Variants in ZMAT4 observed in about 807,000 individuals in gnomAD.
The protein encoded by ZMAT4 is zinc finger matrin-type protein 4.
A neutral mutation model predicts 28.7 loss-of-function variants in ZMAT4; 17 were observed. That is an observed-to-expected ratio of 0.59 (90% confidence interval 0.41 to 0.89). The LOEUF (loss-of-function observed/expected upper bound fraction) is 0.89. ZMAT4 is among the 40% of genes least tolerant of loss of function. The pLI is 0.00. For synonymous variants in ZMAT4, 117 were observed against 109.2 expected, an observed-to-expected ratio of 1.07 and a Z score of -0.44; for missense variants, 240 against 283.8, an observed-to-expected ratio of 0.85 and a Z score of 1.11.
At chr8:40,751,887 C>T (rs1363198948) in intron 3 of ZMAT4, among the ~76,000 whole-genome samples, 1 of 152,084 alleles carries the variant, frequency 6.6e-6, no homozygotes, top group Non-Finnish European at 1.5e-5. Flanking sequence ...ATATGAACAT[C>T]AACCCCCCCT....
chr8:40,855,609 C>T lies in ZMAT4; in HGVS notation c.-4-29929G>A, dbSNP rs1344053599. Among the ~76,000 whole-genome samples, 13 of 152,104 alleles carry T rather than the reference C, an allele frequency of 8.5e-5. No individual in the cohort carries two copies. The East Asian group carries it at 2.5e-3, about 30-fold the overall frequency. Reference sequence around the variant, plus strand: ...CTTGGTGACAGTAAAATTTGTCCTTCAGTCCTACACAAGACCTACAGGTAG... The same window carrying T: ...CTTGGTGACAGTAAAATTTGTCCTTTAGTCCTACACAAGACCTACAGGTAG... On this transcript the variant is annotated intron_variant, in intron 1 of 6. Transcript: ENST00000297737.
At position 40,667,845 on chromosome 8, in the gene ZMAT4, A is replaced by C. The variant is rs1261866865; in HGVS notation, c.577+6859T>G. ...TAAGGTCCATTATTTAAAAAAAAAA[A>C]AAACAACAAAAAAAAAAACCAAGAA... On this transcript the variant is annotated intron_variant, in intron 5 of 6. Coordinates refer to ENST00000297737, the MANE Select transcript of ZMAT4 (RefSeq NM_024645.3). 6.2e-5 allele frequency among the ~76,000 whole-genome samples: 9 copies of C among 145,398 alleles called. 1 individual carries two copies. The South Asian group carries it at 2.0e-3, about 32-fold the overall frequency.
chr8:40,743,742 G>C (rs998103951), intron 3 of ZMAT4, among the ~76,000 whole-genome samples: 1 of 152,196 alleles, frequency 6.6e-6, no homozygotes, highest in African/African-American at 2.4e-5. Context: ...TGAAGCCACA[G>C]ATCATGGTGG....
At chr8:40,729,317 A>T (rs781612945) in intron 3 of ZMAT4, among the ~76,000 whole-genome samples, 2 of 152,202 alleles carry the variant, frequency 1.3e-5, no homozygotes, top group Non-Finnish European at 2.9e-5. Context: ...TCCAAATGGG[A>T]GGTCTGTGTA....
At chr8:40,747,287 C>T (rs913595362) in intron 3 of ZMAT4, among the ~76,000 whole-genome samples, 2 of 152,084 alleles carry the variant, frequency 1.3e-5, no homozygotes, top group African/African-American at 4.8e-5. Context: ...TCATTTATTG[C>T]AGAGGAGGAA....
intron 3 of ZMAT4, among the ~76,000 whole-genome samples, chr8:40,756,956 C>T (rs1470335631): frequency 6.6e-6 from 1 of 152,114 alleles, no homozygotes; most frequent in Non-Finnish European, 1.5e-5. Context: ...GTCACTCAGC[C>T]TGAAGGAAGC....
chr8:40,557,419 T>G (rs1261167738), intron 6 of ZMAT4, among the ~76,000 whole-genome samples: 1 of 152,072 alleles, frequency 6.6e-6, no homozygotes, highest in South Asian at 2.1e-4. Flanking sequence ...CATTCCAGGG[T>G]TTTTTCTAGT....
At chr8:40,809,912 C>T (rs1167978192) in intron 2 of ZMAT4, among the ~76,000 whole-genome samples, 4 of 151,930 alleles carry the variant, frequency 2.6e-5, no homozygotes, top group African/African-American at 2.4e-5. Flanking sequence ...AGCATGGTGG[C>T]GGGCACCTGT....
chr8:40,860,891 T>C (rs1817466138), intron 1 of ZMAT4, among the ~76,000 whole-genome samples: 1 of 152,158 alleles, frequency 6.6e-6, no homozygotes, highest in Non-Finnish European at 1.5e-5. Context: ...CTTAGGAGGC[T>C]GTTGCACCCA....
intron 5 of ZMAT4, among the ~76,000 whole-genome samples, chr8:40,595,666 G>A (rs1397561905): frequency 6.6e-6 from 1 of 152,110 alleles, no homozygotes; most frequent in African/African-American, 2.4e-5. Context: ...TAAAAATATA[G>A]CATAAAAATA....
At chr8:40,536,243 A>T (rs989899677) in intron 6 of ZMAT4, among the ~76,000 whole-genome samples, 3 of 152,144 alleles carry the variant, frequency 2.0e-5, no homozygotes, top group Admixed American at 6.6e-5. Context: ...CTTTTTCTCC[A>T]TCAGCCCATA....
chr8:40,748,703 C>G (rs1240548501), intron 3 of ZMAT4, among the ~76,000 whole-genome samples: 2 of 152,198 alleles, frequency 1.3e-5, no homozygotes, highest in African/African-American at 2.4e-5. Flanking sequence ...AATATTTTCT[C>G]TCTGTTTTTC....
intron 3 of ZMAT4, among the ~76,000 whole-genome samples, chr8:40,712,293 A>G (rs1810657234): frequency 6.6e-6 from 1 of 152,212 alleles, no homozygotes; most frequent in South Asian, 2.1e-4. Flanking sequence ...ATATTTAAGA[A>G]TAAGCTACTG....
At chr8:40,631,291 G>T (rs547901772) in intron 5 of ZMAT4, among the ~76,000 whole-genome samples, 1 of 152,224 alleles carries the variant, frequency 6.6e-6, no homozygotes, top group Non-Finnish European at 1.5e-5. Flanking sequence ...CCGAGTAGTT[G>T]GGACTACAGG....
intron 2 of ZMAT4, among the ~76,000 whole-genome samples, chr8:40,781,991 T>C (rs374970595): frequency 2.8e-4 from 43 of 152,236 alleles, no homozygotes; most frequent in African/African-American, 9.6e-4. Context: ...ATAAAAGCCT[T>C]TGAATATTTG....
At chr8:40,842,231 T>C (rs1399308566) in intron 1 of ZMAT4, among the ~76,000 whole-genome samples, 1 of 152,206 alleles carries the variant, frequency 6.6e-6, no homozygotes, top group Non-Finnish European at 1.5e-5. Flanking sequence ...AGTGCACCTC[T>C]GTTCTGAGCT....
chr8:40,535,486 T>C (rs753768098), intron 6 of ZMAT4, among the ~76,000 whole-genome samples: 27 of 152,026 alleles, frequency 1.8e-4, no homozygotes, highest in Non-Finnish European at 3.4e-4. Context: ...CTGGCCAACA[T>C]GGTGAAACCC....
intron 5 of ZMAT4, among the ~76,000 whole-genome samples, chr8:40,589,339 T>A (rs1804775374): frequency 6.6e-6 from 1 of 152,126 alleles, no homozygotes; most frequent in Non-Finnish European, 1.5e-5. Flanking sequence ...TCTATACTCC[T>A]CCCACTGTGA....
chr8:40,571,360 T>G (rs1004311323), intron 6 of ZMAT4, among the ~76,000 whole-genome samples: 4 of 152,092 alleles, frequency 2.6e-5, no homozygotes, highest in Non-Finnish European at 4.4e-5. Flanking sequence ...GATATAGAGA[T>G]ACATATACAG....
Sources: gnomAD v4.1 joint callset for allele counts (sites outside exome capture counted in the v4.1 genomes callset) on GRCh38, gnomAD v4.1.1 for gene constraint, MANE v1.5 for transcripts, NCBI Gene and HGNC (gene_info 2026-07-23, HGNC 2026-07-21) for gene names.